Variants in L3MBTL4 observed in about 807,000 individuals in gnomAD.
The protein encoded by L3MBTL4 is lethal(3)malignant brain tumor-like protein 4.
Under a neutral mutation model 84.5 loss-of-function variants are expected in L3MBTL4, and 70 were observed. The ratio of observed to expected loss-of-function variants is 0.83; its 90% CI spans 0.68 to 1.01. The LOEUF is 1.01. L3MBTL4 is among the 50% of genes least tolerant of loss of function. The probability of loss-of-function intolerance (pLI) is 0.00; values close to 1 mark genes in which losing one functional copy is unlikely to be tolerated. For synonymous variants in L3MBTL4, 274 were observed against 259.8 expected, an observed-to-expected ratio of 1.05 and a Z score of -0.52; for missense variants, 715 against 754.8, an observed-to-expected ratio of 0.95 and a Z score of 0.62.
At chr18:5,985,577 C>T (rs1349038894) in intron 16 of L3MBTL4, among the ~76,000 whole-genome samples, 1 of 152,234 alleles carries the variant, frequency 6.6e-6, no homozygotes, top group Non-Finnish European at 1.5e-5. Context: ...GGCTGCCTGG[C>T]TCCCAGGTCT....
intron 1 of L3MBTL4, among the ~76,000 whole-genome samples, chr18:6,349,494 C>T (rs901611196): frequency 2.6e-5 from 4 of 152,150 alleles, no homozygotes; most frequent in Admixed American, 6.5e-5. Flanking sequence ...TTCGGGAGGC[C>T]GAGGTGGGAG....
rs576627153 is a variant in L3MBTL4, at chr18:6,042,956, C to T, written c.1444+37925G>A. ...AAGACGTAACTCAATATTCTCATCC[C>T]TTCTCCTGCTATCTCCAAATCCCAA... On this transcript the variant is annotated intron_variant, in intron 16 of 18. Transcript: ENST00000317931. 2.0e-5 allele frequency among the ~76,000 whole-genome samples: 3 copies of T among 152,164 alleles called. No homozygotes were observed. In the South Asian group the frequency reaches 6.2e-4, roughly 32 times the overall value.
intron 16 of L3MBTL4, among the ~76,000 whole-genome samples, chr18:6,062,041 A>T (rs971246216): frequency 1.3e-5 from 2 of 151,988 alleles, no homozygotes; most frequent in Non-Finnish European, 2.9e-5. Flanking sequence ...AAAAAGTAAA[A>T]TATTTTATGT....
chr18:6,404,824 C>G (rs986549121), intron 1 of L3MBTL4, among the ~76,000 whole-genome samples: 5 of 151,904 alleles, frequency 3.3e-5, no homozygotes, highest in African/African-American at 9.7e-5. Context: ...TAGCTGGGAC[C>G]ACAGGTACAT....
At chr18:6,059,014 G>C (rs1226973738) in intron 16 of L3MBTL4, among the ~76,000 whole-genome samples, 2 of 152,178 alleles carry the variant, frequency 1.3e-5, no homozygotes, top group Non-Finnish European at 2.9e-5. Context: ...CTCTCCCACA[G>C]CTCTGCACAG....
chr18:6,007,688 C>T (rs376591327), intron 16 of L3MBTL4, among the ~76,000 whole-genome samples: 276 of 152,274 alleles, frequency 1.8e-3, no homozygotes, highest in African/African-American at 6.4e-3. Flanking sequence ...TAACAGAAGA[C>T]TGGAAATACC....
chr18:6,345,218 AAAAAAAAAAAAAAAAAAAG>A (rs1211442233), intron 1 of L3MBTL4, among the ~76,000 whole-genome samples: 1 of 131,518 alleles, frequency 7.6e-6, no homozygotes, highest in East Asian at 2.1e-4. Flanking sequence ...TAAAATACAA[AAAAAAAAAAAAAAAAAAAG>A]AAAAAAAAAA....
chr18:6,387,946 C>T (rs236037), intron 1 of L3MBTL4, among the ~76,000 whole-genome samples: 78,197 of 151,992 alleles, frequency 0.51, 20,198 homozygotes, highest in East Asian at 0.59. Flanking sequence ...TAAGAAGTCA[C>T]AGAGGTATAG....
At chr18:6,364,402 TG>T (rs2053843328) in intron 1 of L3MBTL4, among the ~76,000 whole-genome samples, 1 of 152,072 alleles carries the variant, frequency 6.6e-6, no homozygotes, top group Non-Finnish European at 1.5e-5. Context: ...AAAGCACCTT[TG>T]GGTCCTTAGT....
chr18:6,267,239 C>T (rs971532320), intron 4 of L3MBTL4, among the ~76,000 whole-genome samples: 5 of 152,212 alleles, frequency 3.3e-5, no homozygotes, highest in African/African-American at 9.6e-5. Context: ...AACACTAACT[C>T]GTTATTGCTA....
intron 14 of L3MBTL4, among the ~76,000 whole-genome samples, chr18:6,111,366 G>T (rs2059190951): frequency 6.6e-6 from 1 of 152,160 alleles, no homozygotes; most frequent in Admixed American, 6.5e-5. Flanking sequence ...TAATAAAGTT[G>T]TTATTTTAAT....
chr18:6,295,098 C>G (rs1465806456), intron 4 of L3MBTL4, among the ~76,000 whole-genome samples: 1 of 151,864 alleles, frequency 6.6e-6, no homozygotes, highest in Non-Finnish European at 1.5e-5. Flanking sequence ...ACAGTGAAAC[C>G]CCATTTCTAC....
chr18:6,181,549 C>T (rs910272378), intron 12 of L3MBTL4, among the ~76,000 whole-genome samples: 3 of 151,850 alleles, frequency 2.0e-5, no homozygotes, highest in Non-Finnish European at 4.4e-5. Context: ...AGCCTGGTCT[C>T]GAACTCCTGA....
At chr18:6,280,586 G>A (rs1041893196) in intron 4 of L3MBTL4, among the ~76,000 whole-genome samples, 12 of 152,104 alleles carry the variant, frequency 7.9e-5, no homozygotes, top group Admixed American at 1.3e-4. Flanking sequence ...GTAGGATAAC[G>A]GCCTTCCAAA....
chr18:6,399,568 A>G (rs1439046410), intron 1 of L3MBTL4, among the ~76,000 whole-genome samples: 1 of 152,214 alleles, frequency 6.6e-6, no homozygotes, highest in Non-Finnish European at 1.5e-5. Flanking sequence ...TTTAATCTCA[A>G]TTGACTAGAT....
intron 1 of L3MBTL4, among the ~76,000 whole-genome samples, chr18:6,314,400 G>A (rs2050989936): frequency 6.6e-6 from 1 of 152,080 alleles, no homozygotes; most frequent in African/African-American, 2.4e-5. Flanking sequence ...ATTATCCAGG[G>A]AAAGTAAAGG....
At chr18:6,342,678 A>C (rs1444322633) in intron 1 of L3MBTL4, among the ~76,000 whole-genome samples, 1 of 152,164 alleles carries the variant, frequency 6.6e-6, no homozygotes, top group East Asian at 1.9e-4. Flanking sequence ...CAAATAAATA[A>C]ACTACAAAAC....
At chr18:6,118,208 A>AACAC (rs60207558) in intron 14 of L3MBTL4, among the ~76,000 whole-genome samples, 10 of 141,782 alleles carry the variant, frequency 7.1e-5, no homozygotes, top group African/African-American at 1.1e-4. Flanking sequence ...AACACACACA[A>AACAC]ACACACACAC....
At chr18:6,032,150 T>C (rs535974825) in intron 16 of L3MBTL4, 11 of 286,850 alleles carry the variant, frequency 3.8e-5, no homozygotes, top group South Asian at 3.5e-4. Flanking sequence ...GCTAATTTTT[T>C]GTATTTTTGG....
Sources: allele counts gnomAD v4.1 joint callset (sites outside exome capture counted in the v4.1 genomes callset), GRCh38; gene constraint gnomAD v4.1.1; transcripts MANE v1.5; gene names NCBI Gene and HGNC (gene_info 2026-07-23, HGNC 2026-07-21).